Variants in PRELID2 observed in about 807,000 individuals in gnomAD.
PRELID2 encodes the protein PRELI domain-containing protein 2.
In PRELID2, 25 loss-of-function variants were observed where a neutral mutation model predicts 28.4. That is an observed-to-expected ratio of 0.88 (90% CI 0.64 to 1.23). The LOEUF (loss-of-function observed/expected upper bound fraction) is 1.23, where lower values mean the gene tolerates loss of function less well. PRELID2 is among the 50% of genes most tolerant of loss of function. PRELID2 has a pLI of 0.00. For synonymous variants in PRELID2, 76 were observed against 71.6 expected, an observed-to-expected ratio of 1.06 and a Z score of -0.31; for missense variants, 201 against 214.4, an observed-to-expected ratio of 0.94 and a Z score of 0.39.
intron 5 of PRELID2, among the ~76,000 whole-genome samples, chr5:145,791,662 T>C (rs1360254262): frequency 6.6e-6 from 1 of 152,184 alleles, no homozygotes; most frequent in Non-Finnish European, 1.5e-5. Flanking sequence ...TGGTGACGGC[T>C]GCACAACAAT....
chr5:145,695,099 C>A (rs2149698375), intron 1 of PRELID2, among the ~76,000 whole-genome samples: 1 of 152,272 alleles, frequency 6.6e-6, no homozygotes, highest in South Asian at 2.1e-4. Flanking sequence ...GGTCAAACAT[C>A]ACTAACAAGT....
At chr5:145,245,890 C>G in the PRELID2 span, among the ~76,000 whole-genome samples, 1 of 151,998 alleles carries the variant, frequency 6.6e-6, no homozygotes, top group Non-Finnish European at 1.5e-5. Flanking sequence ...CACCGTGGCA[C>G]TCAACACATT....
At chr5:145,653,028 T>C (rs944369310) in intron 1 of PRELID2, among the ~76,000 whole-genome samples, 4 of 152,084 alleles carry the variant, frequency 2.6e-5, no homozygotes, top group African/African-American at 9.7e-5. Context: ...GAGACACACA[T>C]AGGCTCAAAA....
intron 4 of PRELID2, among the ~76,000 whole-genome samples, chr5:145,808,900 A>G (rs1753735910): frequency 2.2e-5 from 1 of 45,114 alleles, no homozygotes; most frequent in Non-Finnish European, 1.5e-4. Context: ...AAGGAAAAGA[A>G]AAAAAAAAGA....
chr5:145,692,373 C>A (rs1294069532), intron 1 of PRELID2, among the ~76,000 whole-genome samples: 1 of 152,004 alleles, frequency 6.6e-6, no homozygotes, highest in Non-Finnish European at 1.5e-5. Context: ...TACACACACA[C>A]ACACAAACAC....
At chr5:145,600,681 A>G (rs967564666) in intron 1 of PRELID2, among the ~76,000 whole-genome samples, 4 of 152,050 alleles carry the variant, frequency 2.6e-5, no homozygotes, top group Non-Finnish European at 5.9e-5. Context: ...AATGGCAATC[A>G]AATTTGTGTT....
chr5:145,347,517 T>C, the PRELID2 span, among the ~76,000 whole-genome samples: 3 of 152,170 alleles, frequency 2.0e-5, no homozygotes, highest in African/African-American at 7.2e-5. Context: ...CAAATTTCAC[T>C]GTAGCTCACA....
At chr5:145,569,083 A>G (rs1183899172) in intron 1 of PRELID2, among the ~76,000 whole-genome samples, 1 of 152,252 alleles carries the variant, frequency 6.6e-6, no homozygotes, top group Non-Finnish European at 1.5e-5. Flanking sequence ...CTAGAACATC[A>G]GATAGCATCC....
intron 1 of PRELID2, among the ~76,000 whole-genome samples, chr5:145,661,112 A>C (rs534157880): frequency 6.6e-6 from 1 of 152,206 alleles, no homozygotes; most frequent in Non-Finnish European, 1.5e-5. Context: ...TTAGGTTACA[A>C]AACTGTTCTT....
At chr5:145,621,655 A>G (rs192440609) in intron 1 of PRELID2, among the ~76,000 whole-genome samples, 1 of 152,346 alleles carries the variant, frequency 6.6e-6, no homozygotes, top group Non-Finnish European at 1.5e-5. Flanking sequence ...ATCCTGGAAG[A>G]AGACAGTAGA....
chr5:145,573,603 G>C (rs899170438), intron 1 of PRELID2, among the ~76,000 whole-genome samples: 1 of 152,046 alleles, frequency 6.6e-6, no homozygotes, highest in Non-Finnish European at 1.5e-5. Flanking sequence ...TGCCATGTTT[G>C]GTTTTCTGTT....
intron 1 of PRELID2, among the ~76,000 whole-genome samples, chr5:145,650,816 A>C (rs1754283078): frequency 6.6e-6 from 1 of 152,002 alleles, no homozygotes; most frequent in South Asian, 2.1e-4. Flanking sequence ...TTCAGTCTAC[A>C]GCTCCCAGTG....
chr5:145,369,241 C>A, the PRELID2 span, among the ~76,000 whole-genome samples: 1 of 151,710 alleles, frequency 6.6e-6, no homozygotes, highest in African/African-American at 2.4e-5. Flanking sequence ...GTTTGCTGCA[C>A]CTATTAACCC....
At chr5:145,331,999 T>G in the PRELID2 span, among the ~76,000 whole-genome samples, 2 of 152,218 alleles carry the variant, frequency 1.3e-5, no homozygotes, top group Non-Finnish European at 2.9e-5. Context: ...TGCTTGTCTG[T>G]AAAGAATTTT....
intron 1 of PRELID2, among the ~76,000 whole-genome samples, chr5:145,560,731 C>T (rs1376224816): frequency 1.3e-5 from 2 of 152,196 alleles, no homozygotes; most frequent in East Asian, 1.9e-4. Context: ...GAAAGAAAGA[C>T]ACTGCAAAGA....
intron 1 of PRELID2, among the ~76,000 whole-genome samples, chr5:145,644,676 G>A (rs570271230): frequency 3.3e-5 from 5 of 151,982 alleles, no homozygotes; most frequent in South Asian, 2.1e-4. Flanking sequence ...CCCTTTATGC[G>A]TTGCTTTAAA....
chr5:145,463,834 A>G, the PRELID2 span, among the ~76,000 whole-genome samples: 59,426 of 152,072 alleles, frequency 0.39, 11,923 homozygotes, highest in Non-Finnish European at 0.43. Flanking sequence ...GTAACTTAAT[A>G]TGTATGGAAG....
At chr5:145,509,116 AT>A (rs1169905004) in intron 1 of PRELID2, among the ~76,000 whole-genome samples, 1 of 152,218 alleles carries the variant, frequency 6.6e-6, no homozygotes, top group Non-Finnish European at 1.5e-5. Flanking sequence ...GGCTGAAAAA[AT>A]GAAGTGCATG....
At chr5:145,421,655 T>A in the PRELID2 span, among the ~76,000 whole-genome samples, 3 of 142,348 alleles carry the variant, frequency 2.1e-5, no homozygotes, top group South Asian at 6.5e-4. Context: ...TAGCGGTCTA[T>A]CAATTTTGTT....
Sources: allele counts gnomAD v4.1 joint callset (sites outside exome capture counted in the v4.1 genomes callset), GRCh38; gene constraint gnomAD v4.1.1; transcripts MANE v1.5; gene names NCBI Gene and HGNC (gene_info 2026-07-23, HGNC 2026-07-21).